MTSS1: variants seen among roughly 807,000 people sequenced by gnomAD.
The protein encoded by MTSS1 is protein MTSS 1.
In MTSS1, 18 loss-of-function variants were observed where a neutral mutation model predicts 79.0. The ratio of observed to expected loss-of-function variants is 0.23; its 90% CI spans 0.16 to 0.34. MTSS1 has a LOEUF of 0.34. MTSS1 is among the 10% of genes least tolerant of loss of function. The pLI is 1.00. For synonymous variants in MTSS1, 341 were observed against 368.6 expected, an observed-to-expected ratio of 0.93 and a Z score of 0.86; for missense variants, 815 against 986.2, an observed-to-expected ratio of 0.83 and a Z score of 2.33.
rs759760129 is a variant in MTSS1 at position 124,556,404 on chromosome 8, T to G, written c.1232A>C (p.Asp411Ala). The G allele has an allele frequency of 6.2e-7, 1 of 1,608,710 alleles. No individual in the cohort carries two copies. The highest frequency in any genetic ancestry group is 8.5e-7 in the Non-Finnish European group (1 of 1,176,924). The change falls in exon 12 of 14, where the codon GAC becomes GCC. Residue 411 changes from aspartate to alanine, a missense_variant and splice_region_variant. Asp to Ala is a moderately radical substitution (Grantham distance 126). Transcript: ENST00000518547. ...FPSSQIPSWK[D>A]WAKPGPYDQP... The stretch of plus-strand genomic sequence containing the variant: ...GTCATAGGGCCCAGGCTTAGCCCAG[T>G]CCTATGCAAAACAAGTGCGGTCAGG...
intron 3 of MTSS1, among the ~76,000 whole-genome samples, chr8:124,602,188 C>CATATATATATATATATACATATATATAT (rs1554665851): frequency 1.7e-5 from 2 of 116,786 alleles, no homozygotes; most frequent in African/African-American, 8.6e-5. Context: ...CATATATATA[C>CATATATATATATATATACATATATATAT]ATATATATAT....
At chr8:124,704,243 A>C (rs757127275) in intron 1 of MTSS1, 52 bp from the exon 2 acceptor site, 1 of 1,479,518 alleles carries the variant, frequency 6.8e-7, no homozygotes, top group Non-Finnish European at 9.4e-7. Context: ...ACATCTGATT[A>C]CTACATTAAC....
At chr8:124,618,529 C>T (rs1812849298) in intron 3 of MTSS1, among the ~76,000 whole-genome samples, 2 of 151,986 alleles carry the variant, frequency 1.3e-5, no homozygotes, top group African/African-American at 4.8e-5. Context: ...GCAGAGTAGA[C>T]TCGGTGAACA....
chr8:124,682,520 A>G (rs938163586), intron 3 of MTSS1, among the ~76,000 whole-genome samples: 1 of 152,186 alleles, frequency 6.6e-6, no homozygotes, highest in African/African-American at 2.4e-5. Context: ...TTTGGATCTG[A>G]GCCTCACGGA....
At chr8:124,557,604 G>C in intron 11 of MTSS1, 77 bp downstream of exon 11, 1 of 1,355,678 alleles carries the variant, frequency 7.4e-7, no homozygotes, top group Non-Finnish European at 1.0e-6. Context: ...GGGATAGTCG[G>C]GGTGAGGGGG....
At chr8:124,634,468 T>C (rs886160932) in intron 3 of MTSS1, among the ~76,000 whole-genome samples, 1 of 152,062 alleles carries the variant, frequency 6.6e-6, no homozygotes, top group African/African-American at 2.4e-5. Flanking sequence ...AAATGAGAGA[T>C]ATAAAAAGTC....
chr8:124,639,599 G>C (rs1361368459), intron 3 of MTSS1, among the ~76,000 whole-genome samples: 1 of 152,014 alleles, frequency 6.6e-6, no homozygotes, highest in Non-Finnish European at 1.5e-5. Context: ...GAGTAGCTGG[G>C]ATTACAGGCT....
At chr8:124,677,626 C>T (rs1825522121) in intron 3 of MTSS1, among the ~76,000 whole-genome samples, 1 of 152,178 alleles carries the variant, frequency 6.6e-6, no homozygotes, top group Non-Finnish European at 1.5e-5. Context: ...CTGTAGTCTG[C>T]CTACCCCTTC....
At chr8:124,679,706 C>T (rs935569425) in intron 3 of MTSS1, among the ~76,000 whole-genome samples, 13 of 152,232 alleles carry the variant, frequency 8.5e-5, no homozygotes, top group African/African-American at 2.9e-4. Flanking sequence ...TGACTCATAA[C>T]CTTCCCTATC....
chr8:124,663,035 C>A (rs1402387821), intron 3 of MTSS1, among the ~76,000 whole-genome samples: 1 of 152,118 alleles, frequency 6.6e-6, no homozygotes, highest in East Asian at 1.9e-4. Context: ...AGTATCTGGG[C>A]CCCACTCCCC....
intron 3 of MTSS1, among the ~76,000 whole-genome samples, chr8:124,694,253 G>GGT (rs971682944): frequency 6.6e-6 from 1 of 151,978 alleles, no homozygotes; most frequent in African/African-American, 2.4e-5. Context: ...AGTCAGCACT[G>GGT]GCCCATCCCG....
chr8:124,559,554 G>A (rs913777889), intron 10 of MTSS1, among the ~76,000 whole-genome samples: 37 of 152,258 alleles, frequency 2.4e-4, no homozygotes, highest in Middle Eastern at 3.4e-3. Context: ...GGAAACCATC[G>A]CTTTACACTG....
intron 3 of MTSS1, among the ~76,000 whole-genome samples, chr8:124,654,867 G>A (rs946234228): frequency 1.2e-4 from 18 of 152,152 alleles, no homozygotes; most frequent in African/African-American, 3.9e-4. Context: ...AACCACCTGA[G>A]GTTCAGATAA....
At chr8:124,646,297 A>C (rs560069260) in intron 3 of MTSS1, among the ~76,000 whole-genome samples, 1 of 152,354 alleles carries the variant, frequency 6.6e-6, no homozygotes, top group African/African-American at 2.4e-5. Flanking sequence ...AACACTTCAC[A>C]ATCGGGAGAA....
intron 1 of MTSS1, among the ~76,000 whole-genome samples, chr8:124,717,675 G>A (rs967502811): frequency 6.6e-6 from 1 of 152,170 alleles, no homozygotes; most frequent in South Asian, 2.1e-4. Context: ...CGGTCTGGGG[G>A]ACAGAGCAAG....
chr8:124,580,997 T>G (rs1279037397), intron 6 of MTSS1, among the ~76,000 whole-genome samples: 1 of 152,222 alleles, frequency 6.6e-6, no homozygotes, highest in Non-Finnish European at 1.5e-5. Context: ...GAGTTTAAAA[T>G]TGTAGTATAA....
intron 1 of MTSS1, among the ~76,000 whole-genome samples, chr8:124,706,009 G>T (rs1347723368): frequency 3.9e-5 from 6 of 152,162 alleles, no homozygotes; most frequent in Admixed American, 3.9e-4. Context: ...TCAACTTAAA[G>T]AAAGTGGTGA....
intron 3 of MTSS1, among the ~76,000 whole-genome samples, chr8:124,608,510 G>A (rs993836854): frequency 2.6e-5 from 4 of 152,220 alleles, no homozygotes; most frequent in African/African-American, 9.6e-5. Context: ...TATCGCCACT[G>A]TATTGTGCAT....
chr8:124,568,672 A>C (rs1827075851), intron 6 of MTSS1, 136 bp from the exon 7 acceptor site: 1 of 1,486,514 alleles, frequency 6.7e-7, no homozygotes, highest in African/African-American at 1.4e-5. Context: ...TTCATGCCCC[A>C]AAAGGATTTA....
Sources: allele counts gnomAD v4.1 joint callset (sites outside exome capture counted in the v4.1 genomes callset), GRCh38; gene constraint gnomAD v4.1.1; transcripts MANE v1.5; gene names NCBI Gene and HGNC (gene_info 2026-07-23, HGNC 2026-07-21).